HTN3: variants seen among roughly 807,000 people sequenced by gnomAD.
HTN3 encodes the protein histatin-3.
A neutral mutation model predicts 10.6 loss-of-function variants in HTN3; 15 were observed. That is an observed-to-expected ratio of 1.42 (90% CI 0.95 to 2.18). HTN3 has a LOEUF of 2.18. HTN3 is among the 30% of genes most tolerant of loss of function. The pLI is 0.00. For missense variants in HTN3, 68 were observed against 58.0 expected (o/e 1.17, Z -0.56); for synonymous variants, 15 against 16.9 (o/e 0.89, Z 0.27).
At chr4:70,032,711 T>C (rs1484887496) in intron 4 of HTN3, among the ~76,000 whole-genome samples, 2 of 152,042 alleles carry the variant, frequency 1.3e-5, no homozygotes, top group East Asian at 1.9e-4. Context: ...ATGAGGACTG[T>C]TTGTGTTAAC....
Position 70,030,801 on chromosome 4 carries a change from T to C in HTN3, c.51+10T>C, listed in dbSNP as rs1725367820. ...CATGCTTTCCATGACTGTAAGTATA[T>C]CTGGAAGTTTTAAAGGATACATTCT... On this transcript the variant is annotated intron_variant, in intron 2 of 5. Transcript: ENST00000673563. 6.2e-7 allele frequency: 1 copy of C among 1,603,766 alleles called. No individual in the cohort carries two copies. The highest frequency in any genetic ancestry group is 8.5e-7 in the Non-Finnish European group (1 of 1,170,870).
chr4:70,035,902 G>C (rs1725502819), intron 5 of HTN3, among the ~76,000 whole-genome samples: 1 of 152,088 alleles, frequency 6.6e-6, no homozygotes, highest in African/African-American at 2.4e-5. Context: ...GATCCTCCAG[G>C]TGTTAGATAA....
intron 5 of HTN3, among the ~76,000 whole-genome samples, chr4:70,035,912 A>G (rs1297719705): frequency 1.3e-5 from 2 of 152,138 alleles, no homozygotes; most frequent in Non-Finnish European, 2.9e-5. Flanking sequence ...GTGTTAGATA[A>G]TTGCTGATGA....
intron 5 of HTN3, among the ~76,000 whole-genome samples, chr4:70,034,732 A>G (rs1176310690): frequency 6.6e-6 from 1 of 152,242 alleles, no homozygotes. Flanking sequence ...GCATTCTACT[A>G]TAAAGACATA....
At chr4:70,034,863 C>T (rs1236975250) in intron 5 of HTN3, among the ~76,000 whole-genome samples, 4 of 152,086 alleles carry the variant, frequency 2.6e-5, no homozygotes, top group African/African-American at 7.2e-5. Flanking sequence ...GAACACTATG[C>T]GGTCATTAAA....
intron 2 of HTN3, 194 bp downstream of exon 2, chr4:70,030,985 A>G (rs1725371286): frequency 2.2e-6 from 1 of 450,860 alleles, no homozygotes; most frequent in Non-Finnish European, 3.9e-6. Flanking sequence ...ATACCTGCGA[A>G]CACTCAAGTA....
intron 5 of HTN3, among the ~76,000 whole-genome samples, chr4:70,035,060 T>C (rs1725482136): frequency 1.3e-5 from 2 of 151,884 alleles, no homozygotes; most frequent in Non-Finnish European, 2.9e-5. Flanking sequence ...TGACAGAAGG[T>C]AACATAGAGG....
At chr4:70,028,840 T>C (rs1725304651) in intron 1 of HTN3, among the ~76,000 whole-genome samples, 1 of 152,134 alleles carries the variant, frequency 6.6e-6, no homozygotes, top group Non-Finnish European at 1.5e-5. Context: ...AAACTTAATG[T>C]AGAAGTTCAC....
At chr4:70,028,952 T>C (rs986584620) in intron 1 of HTN3, among the ~76,000 whole-genome samples, 5 of 152,066 alleles carry the variant, frequency 3.3e-5, no homozygotes, top group African/African-American at 1.2e-4. Context: ...TTATTACTTT[T>C]TCATTGGCCT....
intron 2 of HTN3, 107 bp from the exon 3 acceptor site, chr4:70,031,872 T>G: frequency 1.3e-6 from 1 of 751,352 alleles, no homozygotes; most frequent in Non-Finnish European, 2.3e-6. Context: ...ATCCAAAGAA[T>G]GCCTCCATTC....
intron 5 of HTN3, chr4:70,034,125 A>G (rs1023349114): frequency 6.6e-6 from 1 of 152,166 alleles, no homozygotes; most frequent in Non-Finnish European, 1.5e-5. Flanking sequence ...CCTAGGTGAT[A>G]TCATTCGGGA....
At chr4:70,029,585 T>C (rs1725324511) in intron 1 of HTN3, among the ~76,000 whole-genome samples, 1 of 152,140 alleles carries the variant, frequency 6.6e-6, no homozygotes, top group African/African-American at 2.4e-5. Flanking sequence ...ACTTTATAGC[T>C]AGCAACTAAC....
intron 2 of HTN3, 51 bp downstream of exon 2, chr4:70,030,842 G>A (rs1219997736): frequency 2.9e-6 from 4 of 1,364,188 alleles, no homozygotes; most frequent in Non-Finnish European, 3.1e-6. Context: ...CTTATCCCAA[G>A]GATCTTTCTT....
intron 5 of HTN3, among the ~76,000 whole-genome samples, chr4:70,035,534 G>A (rs1725491833): frequency 6.6e-6 from 1 of 152,090 alleles, no homozygotes; most frequent in African/African-American, 2.4e-5. Flanking sequence ...CGCCATCTGG[G>A]AACTCATGAG....
intron 2 of HTN3, 54 bp downstream of exon 2, chr4:70,030,845 T>A: frequency 7.7e-7 from 1 of 1,305,878 alleles, no homozygotes. Flanking sequence ...ATCCCAAGGA[T>A]CTTTCTTATT....
intron 1 of HTN3, among the ~76,000 whole-genome samples, chr4:70,029,643 C>T (rs1309852997): frequency 1.3e-5 from 2 of 152,004 alleles, no homozygotes; most frequent in Non-Finnish European, 2.9e-5. Context: ...TTGTATTTTC[C>T]AGTGGAAATG....
intron 5 of HTN3, chr4:70,034,552 G>A (rs552599034): frequency 4.6e-5 from 7 of 152,216 alleles, no homozygotes; most frequent in Non-Finnish European, 7.4e-5. Context: ...GTCAAGAAAC[G>A]ATAGATGATG....
At chr4:70,030,535 G>A (rs1725357418) in intron 1 of HTN3, among the ~76,000 whole-genome samples, 193 bp from the exon 2 acceptor site, 1 of 152,092 alleles carries the variant, frequency 6.6e-6, no homozygotes, top group Non-Finnish European at 1.5e-5. Flanking sequence ...GTGGAACTAG[G>A]GAGGCTAAAG....
intron 4 of HTN3, 51 bp downstream of exon 4, chr4:70,032,158 T>A: frequency 1.7e-6 from 2 of 1,149,408 alleles, no homozygotes; most frequent in South Asian, 1.3e-5. Flanking sequence ...CTTCTCTGAC[T>A]ATTTATTCTC....
Sources: gnomAD v4.1 joint callset for allele counts (sites outside exome capture counted in the v4.1 genomes callset) on GRCh38, gnomAD v4.1.1 for gene constraint, MANE v1.5 for transcripts, NCBI Gene and HGNC (gene_info 2026-07-23, HGNC 2026-07-21) for gene names.